The following PIWIL2 variants were observed in gnomAD, a reference collection of about 807,000 sequenced individuals.
PIWIL2 encodes the protein piwi-like protein 2.
Under a neutral mutation model 116.5 loss-of-function variants are expected in PIWIL2, and 81 were observed. The ratio of observed to expected loss-of-function variants is 0.70; its 90% CI spans 0.58 to 0.84. PIWIL2 has a LOEUF of 0.84. Ranked by LOEUF, PIWIL2 falls within the 40% of genes least tolerant of loss-of-function variation. The pLI is 0.00. For synonymous variants in PIWIL2, 489 were observed against 429.5 expected (o/e 1.14, Z -1.71); for missense variants, 1,272 against 1,212.3 (o/e 1.05, Z -0.73).
intron 12 of PIWIL2, 115 bp from the exon 13 acceptor site, chr8:22,305,812 T>G: frequency 1.4e-6 from 1 of 723,250 alleles, no homozygotes; most frequent in African/African-American, 1.8e-5. Context: ...TTTATACTCC[T>G]TAGTGCGCAA....
chr8:22,329,904 G>T (rs907714464), intron 20 of PIWIL2, among the ~76,000 whole-genome samples: 3 of 152,190 alleles, frequency 2.0e-5, no homozygotes, highest in Non-Finnish European at 2.9e-5. Context: ...CCAGGGGATA[G>T]CTGATGTTGC....
chr8:22,291,637 A>G (rs1830770494), intron 10 of PIWIL2, among the ~76,000 whole-genome samples: 1 of 152,150 alleles, frequency 6.6e-6, no homozygotes, highest in African/African-American at 2.4e-5. Flanking sequence ...TACCCTGTAG[A>G]AGATTTATTC....
intron 10 of PIWIL2, among the ~76,000 whole-genome samples, chr8:22,294,014 A>G (rs1055125849): frequency 6.6e-6 from 1 of 152,148 alleles, no homozygotes; most frequent in Non-Finnish European, 1.5e-5. Context: ...CCTGTTGAAA[A>G]ATATGGCATG....
intron 19 of PIWIL2, 31 bp downstream of exon 19, chr8:22,316,364 G>T: frequency 7.6e-7 from 1 of 1,324,160 alleles, no homozygotes; most frequent in South Asian, 1.2e-5. Flanking sequence ...CATCTTGTTT[G>T]ATTATTTCAT....
intron 19 of PIWIL2, 102 bp from the exon 20 acceptor site, chr8:22,318,068 G>T (rs1231327694): frequency 1.5e-6 from 1 of 668,402 alleles, no homozygotes; most frequent in Non-Finnish European, 2.7e-6. Context: ...TTTTTGGATT[G>T]ATTGGTAGAG....
In PIWIL2 at chr8:22,356,917, T is replaced by G. The variant is rs2132121072; in HGVS notation, c.*1412T>G. ...TCCCTTCGGGCCTAGTTCTGTCTCA[T>G]CTTGCTTTATTGGGTTTTAAAAACC... On this transcript the variant is annotated 3_prime_UTR_variant, in exon 23 of 23. Transcript: ENST00000356766. 6.6e-6 allele frequency: 1 copy of G among 152,328 alleles called. No homozygotes were observed. Among genetic ancestry groups the G allele is most frequent in the Middle Eastern group, 3.4e-3 (1 of 294 alleles). The allele number at this position is 152,328 out of a possible 1,614,324, so 9.4% of individuals were successfully genotyped here. A position where few individuals can be genotyped will look rare whatever the true frequency, so the allele number is the denominator to read the frequency against.
At chr8:22,325,481 C>CTTTTTT (rs749493740) in intron 20 of PIWIL2, among the ~76,000 whole-genome samples, 9 of 95,030 alleles carry the variant, frequency 9.5e-5, no homozygotes, top group Non-Finnish European at 9.9e-5. Context: ...TTGATTTAGT[C>CTTTTTT]TTTTTTTTTT....
At chr8:22,294,969 C>T (rs886120271) in intron 10 of PIWIL2, among the ~76,000 whole-genome samples, 2 of 148,490 alleles carry the variant, frequency 1.3e-5, no homozygotes, top group Admixed American at 6.8e-5. Flanking sequence ...GTCCCAGCTA[C>T]TCCAGAGGCT....
chr8:22,335,388 C>T (rs921601158), intron 20 of PIWIL2, among the ~76,000 whole-genome samples: 2 of 148,326 alleles, frequency 1.3e-5, no homozygotes, highest in African/African-American at 2.5e-5. Flanking sequence ...TTTCTTGAGA[C>T]AGGATCTCTG....
intron 17 of PIWIL2, 114 bp from the exon 18 acceptor site, chr8:22,314,915 T>A: frequency 1.4e-6 from 1 of 689,664 alleles, no homozygotes; most frequent in Non-Finnish European, 2.6e-6. Flanking sequence ...CGAAATGTGT[T>A]ATCTTCTAAC....
At chr8:22,323,099 A>G (rs2132066854) in intron 20 of PIWIL2, among the ~76,000 whole-genome samples, 1 of 146,708 alleles carries the variant, frequency 6.8e-6, no homozygotes, top group African/African-American at 2.5e-5. Flanking sequence ...TTTTCAGTAG[A>G]GACGGGGTTT....
chr8:22,328,161 A>G (rs1039689788), intron 20 of PIWIL2, among the ~76,000 whole-genome samples: 3 of 152,168 alleles, frequency 2.0e-5, no homozygotes, highest in African/African-American at 7.2e-5. Flanking sequence ...GCATCTGGAT[A>G]TCTACTTGTC....
At chr8:22,347,979 T>C (rs1033592297) in intron 20 of PIWIL2, among the ~76,000 whole-genome samples, 1 of 152,054 alleles carries the variant, frequency 6.6e-6, no homozygotes, top group Admixed American at 6.6e-5. Flanking sequence ...TAATTTGAGT[T>C]CCATGAGGAT....
At position 22,312,812 on chromosome 8, in the gene PIWIL2, T is replaced by A. The variant is rs1831365633; in HGVS notation, c.1989+1512T>A. On this transcript the variant is annotated intron_variant, in intron 16 of 22. Coordinates refer to ENST00000356766, the MANE Select transcript of PIWIL2 (RefSeq NM_018068.5). ...TGCACCACCACTCCTGGCTAATTTT[T>A]AAATTTTTTGTAGAGATGGGGTCTC... is the stretch of plus-strand genomic sequence containing the variant. 2.6e-5 allele frequency among the ~76,000 whole-genome samples: 4 copies of A among 151,616 alleles called. No homozygotes were observed. In the South Asian group the frequency reaches 8.4e-4, roughly 32 times the overall value.
At chr8:22,301,099 C>G (rs1011693864) in intron 10 of PIWIL2, among the ~76,000 whole-genome samples, 1 of 151,944 alleles carries the variant, frequency 6.6e-6, no homozygotes, top group Admixed American at 6.6e-5. Flanking sequence ...CTCACCTCAC[C>G]CTCCTGAGTA....
At chr8:22,300,122 G>A (rs556127771) in intron 10 of PIWIL2, among the ~76,000 whole-genome samples, 1 of 151,982 alleles carries the variant, frequency 6.6e-6, no homozygotes, top group Non-Finnish European at 1.5e-5. Flanking sequence ...ATAGAGATGG[G>A]ACCTCACTAT....
At chr8:22,346,793 G>T (rs13279181) in intron 20 of PIWIL2, among the ~76,000 whole-genome samples, 74,602 of 151,964 alleles carry the variant, frequency 0.49, 20,362 homozygotes, top group East Asian at 0.82. Context: ...ATGCCTGTAG[G>T]CGCAGCTACT....
rs572284502 is a variant in PIWIL2, at chr8:22,285,098, T to C, written c.743+826T>C. 3.3e-5 allele frequency among the ~76,000 whole-genome samples: 5 copies of C among 152,344 alleles called. No homozygotes were observed. The East Asian group carries it at 7.7e-4, about 23-fold the overall frequency. On this transcript the variant is annotated intron_variant, in intron 6 of 22. Transcript: ENST00000356766. Reference sequence around the variant, plus strand: ...ACTGTTTTTTTGTGGTGAAAACATTTAAAATCTCTTTCAGGAATTTTGAAA... The same window carrying C: ...ACTGTTTTTTTGTGGTGAAAACATTCAAAATCTCTTTCAGGAATTTTGAAA...
chr8:22,298,787 G>C (rs892914326), intron 10 of PIWIL2, among the ~76,000 whole-genome samples: 11 of 152,228 alleles, frequency 7.2e-5, no homozygotes, highest in African/African-American at 2.4e-4. Context: ...AGGGATTGCA[G>C]ACTTGCAGAT....
Sources: gnomAD v4.1 joint callset for allele counts (sites outside exome capture counted in the v4.1 genomes callset) on GRCh38, gnomAD v4.1.1 for gene constraint, MANE v1.5 for transcripts, NCBI Gene and HGNC (gene_info 2026-07-23, HGNC 2026-07-21) for gene names.